NSUN6: variants seen among roughly 807,000 people sequenced by gnomAD.
NSUN6 encodes NOP2/Sun RNA methyltransferase 6.
In NSUN6, 64 loss-of-function variants were observed where a neutral mutation model predicts 58.0. That is an observed-to-expected ratio of 1.10 (90% CI 0.90 to 1.36). NSUN6 has a LOEUF of 1.36. NSUN6 is among the 40% of genes most tolerant of loss of function. NSUN6 has a pLI of 0.00. For synonymous variants in NSUN6, 231 were observed against 193.9 expected, an observed-to-expected ratio of 1.19 and a Z score of -1.59; for missense variants, 701 against 550.1, an observed-to-expected ratio of 1.27 and a Z score of -2.74.
At chr10:18,611,683 CCAT>C (rs1279531120) in intron 5 of NSUN6, among the ~76,000 whole-genome samples, 2 of 151,850 alleles carry the variant, frequency 1.3e-5, no homozygotes, top group African/African-American at 4.8e-5. Flanking sequence ...GCACACACCA[CCAT>C]GCCAGGTAAG....
chr10:18,575,459 T>C (rs1168447301), intron 8 of NSUN6, among the ~76,000 whole-genome samples: 2 of 152,176 alleles, frequency 1.3e-5, no homozygotes, highest in African/African-American at 2.4e-5. Flanking sequence ...GTTAAGGCCC[T>C]AATTGAAAAT....
Position 18,545,999 on chromosome 10 carries a change from C to T in NSUN6, c.1344G>A (p.Leu448=). The change falls in exon 11 of 11, where the codon TTG becomes TTA. Residue 448 remains leucine, a synonymous_variant. Transcript: ENST00000377304. ...SLREARREDM[L]RLANKDSIGF... ...CTATAGAGTCCTTATTAGCCAGACG[C>T]AACATGTCTTCTCTTCTGGCCTCTC... 1 of 1,582,460 alleles carries T rather than the reference C, an allele frequency of 6.3e-7. No homozygotes were observed. The highest frequency in any genetic ancestry group is 8.5e-7 in the Non-Finnish European group (1 of 1,171,448).
chr10:18,614,291 T>C (rs1385437157), intron 5 of NSUN6, among the ~76,000 whole-genome samples, 169 bp downstream of exon 5: 1 of 152,058 alleles, frequency 6.6e-6, no homozygotes, highest in Non-Finnish European at 1.5e-5. Flanking sequence ...TCAGTTACCC[T>C]TTTTGACCAA....
intron 8 of NSUN6, among the ~76,000 whole-genome samples, chr10:18,573,371 C>T (rs1589914321): frequency 6.6e-6 from 1 of 151,158 alleles, no homozygotes; most frequent in East Asian, 1.9e-4. Context: ...TTTCCAATTC[C>T]TTTCCATTCT....
intron 6 of NSUN6, among the ~76,000 whole-genome samples, chr10:18,609,101 G>A (rs1156915458): frequency 2.0e-5 from 3 of 152,082 alleles, no homozygotes; most frequent in East Asian, 1.9e-4. Context: ...TTGAGGCCAC[G>A]AGTTTGAGAC....
intron 8 of NSUN6, among the ~76,000 whole-genome samples, chr10:18,581,176 T>G (rs1395824274): frequency 6.6e-6 from 1 of 152,142 alleles, no homozygotes; most frequent in Non-Finnish European, 1.5e-5. Flanking sequence ...CAGAGGCGTT[T>G]GAACCACCCA....
chr10:18,617,206 G>C (rs80212439), intron 3 of NSUN6, among the ~76,000 whole-genome samples: 3 of 52,074 alleles, frequency 5.8e-5, no homozygotes, highest in Admixed American at 1.9e-4. Context: ...TTTTTTTTTT[G>C]AGACCAAGTC....
intron 3 of NSUN6, among the ~76,000 whole-genome samples, chr10:18,626,423 G>C (rs926451557): frequency 1.3e-5 from 2 of 152,040 alleles, no homozygotes; most frequent in Admixed American, 1.3e-4. Flanking sequence ...TAAAATTTTA[G>C]GGAAAATTTA....
intron 6 of NSUN6, among the ~76,000 whole-genome samples, chr10:18,597,972 C>T (rs933729582): frequency 3.3e-5 from 5 of 152,288 alleles, no homozygotes; most frequent in Admixed American, 1.3e-4. Context: ...AAGTGTCAGG[C>T]CTCTGAGCCC....
At chr10:18,579,686 A>G (rs1407697429) in intron 8 of NSUN6, among the ~76,000 whole-genome samples, 1 of 152,178 alleles carries the variant, frequency 6.6e-6, no homozygotes, top group Non-Finnish European at 1.5e-5. Flanking sequence ...GACATCAATC[A>G]ATATGTGTAA....
intron 8 of NSUN6, among the ~76,000 whole-genome samples, chr10:18,569,049 C>T (rs1486315652): frequency 1.3e-5 from 2 of 150,654 alleles, no homozygotes; most frequent in Non-Finnish European, 3.0e-5. Context: ...AATTCCATTC[C>T]AATCAATTCT....
intron 5 of NSUN6, among the ~76,000 whole-genome samples, chr10:18,611,657 G>A (rs2058240256): frequency 6.6e-6 from 1 of 152,066 alleles, no homozygotes; most frequent in Admixed American, 6.6e-5. Flanking sequence ...AGCCTCCCCA[G>A]TAGCTGCGAC....
chr10:18,577,128 G>C (rs758584351), intron 8 of NSUN6, among the ~76,000 whole-genome samples: 8 of 152,180 alleles, frequency 5.3e-5, no homozygotes, highest in Non-Finnish European at 1.2e-4. Flanking sequence ...TGCTGTTAAA[G>C]GAATAGCTGA....
Position 18,609,876 on chromosome 10 carries a change from T to C in NSUN6, c.626A>G (p.Asp209Gly), listed in dbSNP as rs777838446. 12 of 1,604,156 alleles carry C rather than the reference T, an allele frequency of 7.5e-6. No individual in the cohort carries two copies. The East Asian group carries it at 2.7e-4, about 36-fold the overall frequency. ...TEPVYLSPSF[D>G]SVLPRYLFLQ... ...AAATAAGTAACGGGGCAGTACACTG[T>C]CAAATGAAGGGCTGAGATATACTGG... The change falls in exon 6 of 11, where the codon GAC becomes GGC. Residue 209 changes from aspartate to glycine, a missense_variant. By Grantham distance (94) the Asp-to-Gly change is moderately conservative. Transcript: ENST00000377304.
At chr10:18,608,442 C>G (rs1262567582) in intron 6 of NSUN6, among the ~76,000 whole-genome samples, 1 of 152,038 alleles carries the variant, frequency 6.6e-6, no homozygotes, top group Non-Finnish European at 1.5e-5. Flanking sequence ...TCAAGACCAG[C>G]CTGGACAATA....
chr10:18,619,312 AG>A (rs1235824041), intron 3 of NSUN6, among the ~76,000 whole-genome samples: 1 of 152,204 alleles, frequency 6.6e-6, no homozygotes, highest in Non-Finnish European at 1.5e-5. Flanking sequence ...TTTATGACGG[AG>A]GGAACTTACG....
chr10:18,599,539 G>A (rs1020579728), intron 6 of NSUN6, among the ~76,000 whole-genome samples: 1 of 152,114 alleles, frequency 6.6e-6, no homozygotes, highest in African/African-American at 2.4e-5. Context: ...TGGAGCATCA[G>A]TGGTTTCAAA....
chr10:18,647,514 CAAAA>C (rs569363993), intron 2 of NSUN6, among the ~76,000 whole-genome samples: 1 of 151,886 alleles, frequency 6.6e-6, no homozygotes, highest in African/African-American at 2.4e-5. Context: ...CAAGATAACT[CAAAA>C]AAATATAAAC....
At chr10:18,635,823 G>C (rs963640712) in intron 3 of NSUN6, among the ~76,000 whole-genome samples, 1 of 151,456 alleles carries the variant, frequency 6.6e-6, no homozygotes, top group Non-Finnish European at 1.5e-5. Flanking sequence ...GGGTGACAGA[G>C]TGAGACTCTG....
Sources: allele counts gnomAD v4.1 joint callset (sites outside exome capture counted in the v4.1 genomes callset), GRCh38; gene constraint gnomAD v4.1.1; transcripts MANE v1.5; gene names NCBI Gene and HGNC (gene_info 2026-07-23, HGNC 2026-07-21).